Variants in NKAIN3 observed in about 807,000 individuals in gnomAD.
NKAIN3 encodes the protein sodium/potassium-transporting ATPase subunit beta-1-interacting protein 3.
A neutral mutation model predicts 30.2 loss-of-function variants in NKAIN3; 25 were observed. The observed-to-expected ratio is 0.83, with a 90% CI of 0.60 to 1.16. NKAIN3 has a LOEUF of 1.16. Ranked by LOEUF, NKAIN3 falls within the 50% of genes most tolerant of loss-of-function variation. NKAIN3 has a pLI of 0.00. For synonymous variants in NKAIN3, 91 were observed against 89.6 expected, an observed-to-expected ratio of 1.02 and a Z score of -0.09; for missense variants, 225 against 254.1, an observed-to-expected ratio of 0.89 and a Z score of 0.78.
chr8:62,616,510 C>T (rs955828584), intron 3 of NKAIN3, among the ~76,000 whole-genome samples: 1 of 152,168 alleles, frequency 6.6e-6, no homozygotes, highest in Non-Finnish European at 1.5e-5. Context: ...TTTCCATGCC[C>T]TCTTGCCAGT....
Position 62,999,263 on chromosome 8 carries a change from C to T in NKAIN3, c.565C>T (p.Gln189Ter), listed in dbSNP as rs530357128. 2.6e-5 allele frequency: 4 copies of T among 152,300 alleles called. No homozygotes were observed. In the South Asian group the frequency reaches 8.3e-4, roughly 32 times the overall value. 9.4% of individuals were successfully genotyped at this position (152,300 alleles called of 1,614,324 possible). A position where few individuals can be genotyped will look rare whatever the true frequency, so the allele number is the denominator to read the frequency against. The change falls in exon 6 of 6, where the codon CAG (glutamine) becomes TAG (stop). Residue 189 changes from glutamine to a stop codon, truncating the protein, a stop_gained. Coordinates refer to the NKAIN3 transcript ENST00000519049. LOFTEE classifies it high-confidence loss of function. ...AAGCAACATGGTGCCGGCACCTGCT[C>T]AGCTTTTGGAAAGGACTCAGGAAGC... is the stretch of plus-strand genomic sequence containing the variant.
chr8:62,432,400 A>G (rs148380574), intron 1 of NKAIN3, among the ~76,000 whole-genome samples: 67 of 152,224 alleles, frequency 4.4e-4, no homozygotes, highest in African/African-American at 1.5e-3. Context: ...ACTTGAGAAT[A>G]ATTTTAATGA....
At chr8:62,345,296 CATATATATGT>C (rs1585704356) in intron 1 of NKAIN3, among the ~76,000 whole-genome samples, 1 of 140,678 alleles carries the variant, frequency 7.1e-6, no homozygotes, top group Non-Finnish European at 1.5e-5. Flanking sequence ...CATATACACA[CATATATATGT>C]ATATATACAC....
intron 1 of NKAIN3, among the ~76,000 whole-genome samples, chr8:62,528,196 G>A (rs1023427885): frequency 8.7e-5 from 13 of 148,864 alleles, no homozygotes; most frequent in East Asian, 2.0e-4. Context: ...ATACTTGGAC[G>A]TAAAGATAGG....
At chr8:62,662,098 G>T (rs1343857012) in intron 3 of NKAIN3, among the ~76,000 whole-genome samples, 1 of 152,110 alleles carries the variant, frequency 6.6e-6, no homozygotes. Context: ...AAGCTCCTCA[G>T]CTTTTTATAA....
chr8:62,383,674 G>A (rs560862221), intron 1 of NKAIN3: 13 of 384,844 alleles, frequency 3.4e-5, no homozygotes, highest in East Asian at 7.2e-5. Context: ...TCCAACTTTC[G>A]GTCCTTCACC....
rs189220330 is a variant in NKAIN3 at position 62,373,985 on chromosome 8, C to T, written c.54+124858C>T. Among the ~76,000 whole-genome samples, 209 of 151,502 alleles carry T rather than the reference C, an allele frequency of 1.4e-3. 1 individual carries two copies. Among genetic ancestry groups the T allele is most frequent in the African/African-American group, 4.3e-3 (177 of 41,294 alleles). ...AAAATTAGCCAGGCGTGGTGGCAGG[C>T]GCCTGTAGTCCCAGCTACTTGGGAG... On this transcript the variant is annotated intron_variant, in intron 1 of 6. Coordinates refer to ENST00000623646, the MANE Select transcript of NKAIN3 (RefSeq NM_001304533.3).
chr8:62,877,838 C>G (rs1820846281), intron 4 of NKAIN3, among the ~76,000 whole-genome samples: 1 of 151,990 alleles, frequency 6.6e-6, no homozygotes, highest in Non-Finnish European at 1.5e-5. Context: ...GTTCGGAGTT[C>G]AAGACCAGCC....
chr8:62,262,223 GA>G (rs1249601220), intron 1 of NKAIN3, among the ~76,000 whole-genome samples: 12 of 152,256 alleles, frequency 7.9e-5, no homozygotes, highest in Admixed American at 7.9e-4. Flanking sequence ...TCTGTTGGTA[GA>G]AGGTAGCTTT....
At chr8:62,997,790 T>C (rs1486229043) in intron 5 of NKAIN3, among the ~76,000 whole-genome samples, 1 of 150,094 alleles carries the variant, frequency 6.7e-6, no homozygotes, top group East Asian at 2.0e-4. Flanking sequence ...GGAGGAACAA[T>C]GTATGGTGAG....
At chr8:62,994,716 G>C (rs1804066079) in intron 5 of NKAIN3, among the ~76,000 whole-genome samples, 1 of 152,178 alleles carries the variant, frequency 6.6e-6, no homozygotes, top group Non-Finnish European at 1.5e-5. Flanking sequence ...ACCGAGAGAA[G>C]AGAAATGTAA....
intron 4 of NKAIN3, among the ~76,000 whole-genome samples, chr8:62,903,938 C>A (rs1821692400): frequency 6.6e-6 from 1 of 152,136 alleles, no homozygotes; most frequent in Non-Finnish European, 1.5e-5. Flanking sequence ...ATTCAATTAT[C>A]TCTACCTGGT....
At chr8:62,594,755 A>G (rs1683206194) in intron 3 of NKAIN3, among the ~76,000 whole-genome samples, 1 of 151,822 alleles carries the variant, frequency 6.6e-6, no homozygotes. Context: ...CAATGACTTT[A>G]GATTTTGTTT....
intron 1 of NKAIN3, among the ~76,000 whole-genome samples, chr8:62,573,795 TTA>T (rs1810021386): frequency 6.6e-6 from 1 of 152,176 alleles, no homozygotes; most frequent in South Asian, 2.1e-4. Context: ...ACATGTGATT[TTA>T]TGATAAAGGC....
At chr8:62,995,602 T>C (rs1404849996) in intron 5 of NKAIN3, among the ~76,000 whole-genome samples, 3 of 151,842 alleles carry the variant, frequency 2.0e-5, no homozygotes, top group Admixed American at 1.3e-4. Context: ...AGAAGGAAGA[T>C]GGAGGAAATG....
intron 1 of NKAIN3, among the ~76,000 whole-genome samples, chr8:62,381,191 T>C (rs1490833847): frequency 2.0e-5 from 3 of 152,162 alleles, no homozygotes. Context: ...TATTAATCAG[T>C]TTGCTTTTTC....
intron 4 of NKAIN3, among the ~76,000 whole-genome samples, chr8:62,792,332 T>C (rs2352719): frequency 0.2 from 31,106 of 151,998 alleles, 3,768 homozygotes; most frequent in African/African-American, 0.32. Context: ...AATTTCTCTA[T>C]CAGAGAGTCC....
chr8:62,907,685 A>G (rs1011121243), intron 4 of NKAIN3, among the ~76,000 whole-genome samples: 3 of 152,300 alleles, frequency 2.0e-5, no homozygotes, highest in Middle Eastern at 3.4e-3. Context: ...GCAAGCCCCT[A>G]GCCTTGGCAG....
intron 1 of NKAIN3, among the ~76,000 whole-genome samples, chr8:62,436,090 T>C (rs1805165730): frequency 1.3e-5 from 2 of 152,228 alleles, no homozygotes; most frequent in Non-Finnish European, 2.9e-5. Flanking sequence ...AATTGCCGTG[T>C]CACAGTATGT....
Sources: gnomAD v4.1 joint callset for allele counts (sites outside exome capture counted in the v4.1 genomes callset) on GRCh38, gnomAD v4.1.1 for gene constraint, MANE v1.5 for transcripts, NCBI Gene and HGNC (gene_info 2026-07-23, HGNC 2026-07-21) for gene names.